The following SERPINB7 variants were observed in gnomAD, a reference collection of about 807,000 sequenced individuals.
SERPINB7 encodes the protein serpin family B member 7, also known as serpin B7.
In SERPINB7, 31 loss-of-function variants were observed where a neutral mutation model predicts 37.4. The ratio of observed to expected loss-of-function variants is 0.83; its 90% CI spans 0.62 to 1.12. The LOEUF is 1.12. Among genes scored for constraint, SERPINB7 ranks in the 50% most tolerant of loss-of-function variants. The pLI is 0.00. For missense variants in SERPINB7, 521 were observed against 455.3 expected, an observed-to-expected ratio of 1.14 and a Z score of -1.31; for synonymous variants, 163 against 166.1, an observed-to-expected ratio of 0.98 and a Z score of 0.14.
chr18:63,783,062 C>A (rs1324420012), intron 2 of SERPINB7, among the ~76,000 whole-genome samples: 1 of 151,506 alleles, frequency 6.6e-6, no homozygotes, highest in East Asian at 1.9e-4. Flanking sequence ...GGCATGAACC[C>A]GGGAGGTGGA....
chr18:63,783,393 T>G (rs1440352629), intron 2 of SERPINB7, among the ~76,000 whole-genome samples: 1 of 152,044 alleles, frequency 6.6e-6, no homozygotes, highest in Non-Finnish European at 1.5e-5. Context: ...CAGGTGCACA[T>G]GAAGGGTTGA....
rs117677303 is a variant in SERPINB7, at chr18:63,769,477, C to T, written c.-18-12878C>T. On this transcript the variant is annotated intron_variant, in intron 1 of 7. Coordinates refer to the SERPINB7 transcript ENST00000336429. ...CTTGGTGTTGACATCTGCTGATTGTCTTTTGCCATATGAATTGAGACTTTC... is the reference window on the plus strand; with the variant it reads ...CTTGGTGTTGACATCTGCTGATTGTTTTTTGCCATATGAATTGAGACTTTC... Among the ~76,000 whole-genome samples, 722 of 152,158 alleles carry T rather than the reference C, an allele frequency of 4.7e-3. 10 individuals are homozygous for T. Among genetic ancestry groups the T allele is most frequent in the Middle Eastern group, 0.01 (3 of 294 alleles).
At chr18:63,790,957 C>A (rs997366283) in intron 2 of SERPINB7, among the ~76,000 whole-genome samples, 1 of 152,116 alleles carries the variant, frequency 6.6e-6, no homozygotes, top group Non-Finnish European at 1.5e-5. Flanking sequence ...TACTATACAG[C>A]CATAAAAAGG....
intron 1 of SERPINB7, among the ~76,000 whole-genome samples, chr18:63,768,885 T>C (rs2049194862): frequency 6.6e-6 from 1 of 152,134 alleles, no homozygotes; most frequent in Non-Finnish European, 1.5e-5. Context: ...TTTAGGGATT[T>C]TGAGATTCAT....
chr18:63,801,779 A>G (rs893931115), intron 7 of SERPINB7, among the ~76,000 whole-genome samples: 1 of 152,156 alleles, frequency 6.6e-6, no homozygotes, highest in African/African-American at 2.4e-5. Context: ...AGAAATGTAA[A>G]AGTCTGAAAA....
intron 4 of SERPINB7, among the ~76,000 whole-genome samples, chr18:63,795,576 T>TAAAAAAAAAAAA (rs5825537): frequency 8.6e-6 from 1 of 115,776 alleles, no homozygotes; most frequent in African/African-American, 3.2e-5. Flanking sequence ...AAAAAAGAAT[T>TAAAAAAAAAAAA]AAAAAAAAAA....
intron 1 of SERPINB7, among the ~76,000 whole-genome samples, chr18:63,754,900 T>C (rs1334357309): frequency 7.4e-6 from 1 of 135,102 alleles, no homozygotes; most frequent in East Asian, 2.1e-4. Flanking sequence ...TTTTTTTTTT[T>C]TTTTTTTTTT....
At chr18:63,790,238 A>G (rs1264581099) in intron 2 of SERPINB7, among the ~76,000 whole-genome samples, 1 of 152,200 alleles carries the variant, frequency 6.6e-6, no homozygotes, top group Admixed American at 6.5e-5. Context: ...AAAATCCCCA[A>G]ATTAAACACA....
intron 1 of SERPINB7, among the ~76,000 whole-genome samples, chr18:63,776,798 A>G (rs2049252759): frequency 1.3e-5 from 2 of 151,786 alleles, no homozygotes; most frequent in African/African-American, 4.8e-5. Flanking sequence ...TCACAATGTA[A>G]GCTTTCTCTG....
intron 1 of SERPINB7, among the ~76,000 whole-genome samples, chr18:63,767,974 A>T (rs1181650940): frequency 6.6e-6 from 1 of 152,070 alleles, no homozygotes; most frequent in African/African-American, 2.4e-5. Context: ...TAGTGTTTTT[A>T]AAAAAATTCT....
At chr18:63,786,063 A>ATATGT (rs1420486293) in intron 2 of SERPINB7, among the ~76,000 whole-genome samples, 1 of 73,156 alleles carries the variant, frequency 1.4e-5, no homozygotes, top group African/African-American at 3.9e-5. Context: ...ATGTATATAT[A>ATATGT]ATATACTTAT....
chr18:63,801,085 T>C, intron 7 of SERPINB7, 73 bp downstream of exon 7: 3 of 1,444,894 alleles, frequency 2.1e-6, no homozygotes, highest in Non-Finnish European at 2.9e-6. Flanking sequence ...TTTTCACTGA[T>C]AAACTGTAAG....
Position 63,805,347 on chromosome 18 carries a change from A to C in SERPINB7, c.*712A>C, listed in dbSNP as rs1007718862. The C allele has an allele frequency of 3.9e-5, 6 of 152,266 alleles. No homozygotes were observed. Among genetic ancestry groups the C allele is most frequent in the Admixed American group, 3.9e-4 (6 of 15,274 alleles). The allele number at this position is 152,266 out of a possible 1,614,324, so 9.4% of individuals were successfully genotyped here. On this transcript the variant is annotated 3_prime_UTR_variant, in exon 8 of 8. Transcript: ENST00000398019. ...TAGTTTATAAGTTTTTTCTCTATTTATCAGAATAAAGAAATACAACATACC... is the reference window on the plus strand; with the variant it reads ...TAGTTTATAAGTTTTTTCTCTATTTCTCAGAATAAAGAAATACAACATACC...
At chr18:63,770,272 G>C (rs1302910509) in intron 1 of SERPINB7, among the ~76,000 whole-genome samples, 1 of 151,074 alleles carries the variant, frequency 6.6e-6, no homozygotes, top group Admixed American at 6.6e-5. Context: ...GGTGTGGTTG[G>C]CAATAGCACC....
Position 63,782,495 on chromosome 18 carries a change from G to C in SERPINB7, c.123G>C (p.Leu41=). The change falls in exon 2 of 8, where the codon CTG becomes CTC. Residue 41 remains leucine, a synonymous_variant. Transcript: ENST00000398019. Reference sequence around the variant, plus strand: ...TGAGCCTCTTCGCTGCCCTGGCCCTGGTCCGCTTGGGCGCTCAAGATGACT... The same window carrying C: ...TGAGCCTCTTCGCTGCCCTGGCCCTCGTCCGCTTGGGCGCTCAAGATGACT... ...SSLSLFAALA[L]VRLGAQDDSL... The C allele has an allele frequency of 6.2e-7, 1 of 1,613,818 alleles. No individual in the cohort carries two copies. Among genetic ancestry groups the C allele is most frequent in the Non-Finnish European group, 8.5e-7 (1 of 1,179,834 alleles).
At chr18:63,793,862 T>C (rs1443579133) in intron 4 of SERPINB7, among the ~76,000 whole-genome samples, 1 of 152,074 alleles carries the variant, frequency 6.6e-6, no homozygotes, top group East Asian at 1.9e-4. Context: ...AGACAAGTCT[T>C]AGAAGGAGAT....
At chr18:63,754,500 C>T (rs187378775) in intron 1 of SERPINB7, among the ~76,000 whole-genome samples, 117 of 152,232 alleles carry the variant, frequency 7.7e-4, no homozygotes, top group Middle Eastern at 3.4e-3. Flanking sequence ...GGTACGAGCC[C>T]TGTCGTCTAA....
chr18:63,779,252 A>C (rs2049279296), intron 1 of SERPINB7, among the ~76,000 whole-genome samples: 2 of 152,162 alleles, frequency 1.3e-5, no homozygotes, highest in East Asian at 1.9e-4. Flanking sequence ...ATTTATAGGG[A>C]AAGGAAAAAT....
chr18:63,766,191 TCCTC>T (rs141661286), intron 1 of SERPINB7, among the ~76,000 whole-genome samples: 4,702 of 152,218 alleles, frequency 0.031, 119 homozygotes, highest in African/African-American at 0.065. Context: ...AGACACATGT[TCCTC>T]CCCATCTGCA....
Sources: allele counts gnomAD v4.1 joint callset (sites outside exome capture counted in the v4.1 genomes callset), GRCh38; gene constraint gnomAD v4.1.1; transcripts MANE v1.5; gene names NCBI Gene and HGNC (gene_info 2026-07-23, HGNC 2026-07-21).